PIK3C2G: variants seen among roughly 807,000 people sequenced by gnomAD.
The protein encoded by PIK3C2G is phosphatidylinositol 3-kinase C2 domain-containing subunit gamma.
Under a neutral mutation model 181.1 loss-of-function variants are expected in PIK3C2G, and 168 were observed. The observed-to-expected ratio is 0.93, with a 90% CI of 0.82 to 1.05. PIK3C2G has a LOEUF of 1.05. Among genes scored for constraint, PIK3C2G ranks in the 50% least tolerant of loss-of-function variants. PIK3C2G has a pLI of 0.00. For synonymous variants in PIK3C2G, 573 were observed against 592.2 expected (o/e 0.97, Z 0.47); for missense variants, 1,869 against 1,732.8 (o/e 1.08, Z -1.40).
intron 29 of PIK3C2G, among the ~76,000 whole-genome samples, chr12:18,576,892 A>G (rs1195614810): frequency 6.6e-6 from 1 of 152,174 alleles, no homozygotes; most frequent in East Asian, 1.9e-4. Context: ...CTGTAAAGGA[A>G]AGTGCTAAGG....
intron 11 of PIK3C2G, among the ~76,000 whole-genome samples, chr12:18,351,343 A>T (rs566013704): frequency 6.6e-6 from 1 of 152,176 alleles, no homozygotes; most frequent in Non-Finnish European, 1.5e-5. Flanking sequence ...CAATCATGTC[A>T]CCATTTCCTC....
intron 25 of PIK3C2G, among the ~76,000 whole-genome samples, chr12:18,545,072 GT>G (rs111947145): frequency 7.0e-4 from 106 of 151,762 alleles, no homozygotes; most frequent in Admixed American, 1.9e-3. Flanking sequence ...GAGCTTTCTT[GT>G]TTTTTTGTAC....
At chr12:18,388,281 T>G (rs1294144855) in intron 14 of PIK3C2G, among the ~76,000 whole-genome samples, 1 of 152,124 alleles carries the variant, frequency 6.6e-6, no homozygotes, top group Non-Finnish European at 1.5e-5. Context: ...TCTTTTTTTC[T>G]TTTTTATGAG....
intron 18 of PIK3C2G, among the ~76,000 whole-genome samples, chr12:18,476,882 A>AT (rs201518331): frequency 2.6e-5 from 4 of 152,088 alleles, no homozygotes; most frequent in Non-Finnish European, 5.9e-5. Context: ...AAAAAAAAAA[A>AT]GAGTTCTAAG....
At chr12:18,602,356 C>G (rs907183596) in intron 30 of PIK3C2G, among the ~76,000 whole-genome samples, 2 of 151,838 alleles carry the variant, frequency 1.3e-5, no homozygotes, top group African/African-American at 4.8e-5. Flanking sequence ...ACGCCCACCC[C>G]CCACAGCAGT....
intron 11 of PIK3C2G, among the ~76,000 whole-genome samples, chr12:18,357,508 A>G (rs1018531253): frequency 6.6e-6 from 1 of 152,236 alleles, no homozygotes; most frequent in East Asian, 1.9e-4. Flanking sequence ...TGCAAAGTGA[A>G]TAAGTATTCT....
upstream of PIK3C2G, among the ~76,000 whole-genome samples, chr12:18,261,227 T>TA (rs1314175321): frequency 6.6e-6 from 1 of 152,116 alleles, no homozygotes; most frequent in East Asian, 1.9e-4. Context: ...AGGGGAAATA[T>TA]GCCCACCTTA....
chr12:18,718,885 A>G, the PIK3C2G span, among the ~76,000 whole-genome samples: 1 of 152,190 alleles, frequency 6.6e-6, no homozygotes, highest in Non-Finnish European at 1.5e-5. Context: ...TATTAACAGT[A>G]TGATAGGTAC....
chr12:18,538,397 A>G (rs1227204666), intron 25 of PIK3C2G, 85 bp downstream of exon 25: 2 of 1,159,604 alleles, frequency 1.7e-6, no homozygotes, highest in Non-Finnish European at 2.4e-6. Context: ...AATGGCTTGG[A>G]GTTCCCCAAG....
At chr12:18,586,302 AT>A (rs1273428109) in intron 29 of PIK3C2G, among the ~76,000 whole-genome samples, 5 of 152,162 alleles carry the variant, frequency 3.3e-5, no homozygotes, top group Admixed American at 1.3e-4. Context: ...TTTTGAAAAA[AT>A]TAGTAAGATA....
chr12:18,493,700 G>C (rs1444981282), intron 20 of PIK3C2G: 1 of 152,274 alleles, frequency 6.6e-6, no homozygotes, highest in Admixed American at 6.5e-5. Flanking sequence ...AATGCAGTGA[G>C]CATGGGAAAG....
At chr12:18,382,789 C>G (rs1942925657) in intron 14 of PIK3C2G, among the ~76,000 whole-genome samples, 1 of 152,200 alleles carries the variant, frequency 6.6e-6, no homozygotes, top group Non-Finnish European at 1.5e-5. Context: ...GACATCACTG[C>G]TCTAGAAGAA....
At chr12:18,443,442 T>C (rs988926167) in intron 18 of PIK3C2G, among the ~76,000 whole-genome samples, 1 of 145,838 alleles carries the variant, frequency 6.9e-6, no homozygotes, top group African/African-American at 2.5e-5. Context: ...TCATACCCTA[T>C]TATGGCTTTA....
chr12:18,318,230 CTT>C (rs1565592107), intron 6 of PIK3C2G, among the ~76,000 whole-genome samples: 1 of 152,070 alleles, frequency 6.6e-6, no homozygotes, highest in East Asian at 1.9e-4. Flanking sequence ...AAATTTTAGT[CTT>C]AATTGAAATT....
At chr12:18,441,325 T>C (rs1402059727) in intron 18 of PIK3C2G, among the ~76,000 whole-genome samples, 2 of 151,882 alleles carry the variant, frequency 1.3e-5, no homozygotes, top group African/African-American at 4.8e-5. Flanking sequence ...ATTTTAGGAG[T>C]TTTGCTAGGA....
At chr12:18,362,131 C>A (rs1941287940) in intron 11 of PIK3C2G, among the ~76,000 whole-genome samples, 1 of 152,058 alleles carries the variant, frequency 6.6e-6, no homozygotes, top group Non-Finnish European at 1.5e-5. Flanking sequence ...CAAGGAGAAG[C>A]CATAAATTGG....
intron 24 of PIK3C2G, among the ~76,000 whole-genome samples, chr12:18,530,078 C>A (rs1300591105): frequency 6.6e-6 from 1 of 152,122 alleles, no homozygotes; most frequent in Non-Finnish European, 1.5e-5. Context: ...CTATTTCACT[C>A]TCTACAACAA....
intron 12 of PIK3C2G, among the ~76,000 whole-genome samples, chr12:18,364,912 A>C (rs754961744): frequency 6.6e-6 from 1 of 151,086 alleles, no homozygotes; most frequent in Non-Finnish European, 1.5e-5. Context: ...CAAACAAACA[A>C]AACCATTAAT....
chr12:18,260,487 C>T (rs1258767959), upstream of PIK3C2G, among the ~76,000 whole-genome samples: 1 of 152,042 alleles, frequency 6.6e-6, no homozygotes, highest in Non-Finnish European at 1.5e-5. Context: ...TGACCTCTCA[C>T]ACCTTTGTAG....
Sources: allele counts gnomAD v4.1 joint callset (sites outside exome capture counted in the v4.1 genomes callset), GRCh38; gene constraint gnomAD v4.1.1; transcripts MANE v1.5; gene names NCBI Gene and HGNC (gene_info 2026-07-23, HGNC 2026-07-21).